The following CTC1 variants were observed in gnomAD, a reference collection of about 807,000 sequenced individuals.
The protein encoded by CTC1 is CST complex subunit CTC1.
A neutral mutation model predicts 136.3 loss-of-function variants in CTC1; 91 were observed. That is an observed-to-expected ratio of 0.67 (90% CI 0.56 to 0.79). The LOEUF (loss-of-function observed/expected upper bound fraction) is 0.79. CTC1 is among the 30% of genes least tolerant of loss of function. The pLI is 0.00. For synonymous variants in CTC1, 606 were observed against 613.8 expected (o/e 0.99, Z 0.19); for missense variants, 1,432 against 1,498.1 (o/e 0.96, Z 0.73).
At position 8,238,644 on chromosome 17, in the gene CTC1, G is replaced by C; in HGVS notation, c.198-15C>G. Reference sequence around the variant, plus strand: ...CTGAGACGAAGCTGTAGAGTGAAGGGAACAGAGGTCCTGCAAAGCCAGGTC... The same window carrying C: ...CTGAGACGAAGCTGTAGAGTGAAGGCAACAGAGGTCCTGCAAAGCCAGGTC... On this transcript the variant is annotated splice_polypyrimidine_tract_variant and intron_variant, in intron 2 of 22. Transcript: ENST00000651323. 3.9e-6 allele frequency: 6 copies of C among 1,550,370 alleles called. No individual in the cohort carries two copies. Among genetic ancestry groups the C allele is most frequent in the Non-Finnish European group, 5.2e-6 (6 of 1,145,610 alleles).
intron 17 of CTC1, 108 bp downstream of exon 17, chr17:8,230,186 A>G: frequency 8.4e-7 from 1 of 1,195,240 alleles, no homozygotes; most frequent in Non-Finnish European, 1.2e-6. Context: ...GATATATGGA[A>G]ACCTGTATGA....
At chr17:8,242,394 T>C (rs1428474071) in intron 2 of CTC1, among the ~76,000 whole-genome samples, 1 of 151,914 alleles carries the variant, frequency 6.6e-6, no homozygotes, top group Non-Finnish European at 1.5e-5. Context: ...TCATAGCCTC[T>C]AATATGTTAA....
At position 8,237,596 on chromosome 17, in the gene CTC1, C is replaced by T. The variant is rs1235148515; in HGVS notation, c.648-77G>A. 57 of 1,196,128 alleles carry T rather than the reference C, an allele frequency of 4.8e-5. No homozygotes were observed. The South Asian group carries it at 5.7e-4, about 12-fold the overall frequency. 74.1% of individuals were successfully genotyped at this position (1,196,128 alleles called of 1,614,324 possible). A position where few individuals can be genotyped will look rare whatever the true frequency, so the allele number is the denominator to read the frequency against. The stretch of plus-strand genomic sequence containing the variant: ...AGGAGAATCACTTGAACCTGAAAGG[C>T]AGAGGTTGCAGTAAGCTGAGATCCC... On this transcript the variant is annotated intron_variant, in intron 4 of 22. Transcript: ENST00000651323.
rs1345126351 is a variant in CTC1 at position 8,230,360 on chromosome 17, G to A, written c.2867C>T (p.Pro956Leu). The change falls in exon 17 of 23, where the codon CCT becomes CTT. Residue 956 changes from proline (P) to leucine (L), a missense_variant. Physicochemically the swap from Pro to Leu is moderately conservative, Grantham distance 98. Transcript: ENST00000651323. ...LDVYIEDPHLPPSLGLLPGAR... is the reference protein window; with the variant it reads ...LDVYIEDPHLLPSLGLLPGAR... ...TCCTGGAAGTAGTCCTAGTGAGGGA[G>A]GCAAGTGTGGGTCTTCTATATATAC... 3 of 1,614,032 alleles carry A rather than the reference G, an allele frequency of 1.9e-6. No homozygotes were observed. In the South Asian group the frequency reaches 3.3e-5, roughly 18 times the overall value.
Position 8,236,110 on chromosome 17 carries a change from T to C in CTC1, c.1025A>G (p.Asp342Gly), listed in dbSNP as rs78390421. The stretch of plus-strand genomic sequence containing the variant: ...GACAAGACTTTCTGGATCCTTCTTG[T>C]CCTCCGAGTTGCTGGGCATGGGGAG... ...KPLPMPSNSE[D>G]KKDPESLVRY... The change falls in exon 6 of 23, where the codon GAC becomes GGC. Residue 342 changes from aspartate to glycine, a missense_variant. Physicochemically the swap from Asp to Gly is moderately conservative, Grantham distance 94. Transcript: ENST00000651323. 4,113 of 1,614,216 alleles carry C rather than the reference T, an allele frequency of 2.5e-3. 104 individuals are homozygous for C. In the African/African-American group the frequency reaches 0.049, roughly 19 times the overall value.
rs1050640889 is a variant in CTC1, at chr17:8,226,368, C to A, written c.*1812G>T. 2 of 152,296 alleles carry A rather than the reference C, an allele frequency of 1.3e-5. No individual in the cohort carries two copies. Among genetic ancestry groups the A allele is most frequent in the South Asian group, 4.2e-4 (2 of 4,812 alleles). 9.4% of individuals were successfully genotyped at this position (152,296 alleles called of 1,614,324 possible). ...AAGAATATAGAGCTAGGAACCCGGA[C>A]CGAGCTTTTTCAGATCTTTCTAGAA... On this transcript the variant is annotated 3_prime_UTR_variant, in exon 23 of 23. Transcript: ENST00000651323.
Position 8,231,807 on chromosome 17 carries a change from G to A in CTC1, c.2394C>T (p.Leu798=). The A allele has an allele frequency of 6.2e-7, 1 of 1,614,224 alleles. No individual in the cohort carries two copies. Among genetic ancestry groups the A allele is most frequent in the South Asian group, 1.1e-5 (1 of 91,086 alleles). The change falls in exon 14 of 23, where the codon CTC becomes CTT. Residue 798 remains leucine (L), a synonymous_variant. Transcript: ENST00000651323. ...AGCGGACTGAAGAGCCAAAGAAAAT[G>A]AGGTGAACCTGGGAGGATGGAGAGC... The part of the protein sequence containing the change: ...GNDDNDQKVH[L]IFFGSSVRWF...
At chr17:8,229,484 T>A in intron 18 of CTC1, 38 bp from the exon 19 acceptor site, 1 of 1,589,920 alleles carries the variant, frequency 6.3e-7, no homozygotes, top group East Asian at 2.2e-5. Flanking sequence ...GGGGTCAAGA[T>A]AACAGAACAG....
chr17:8,239,390 A>G (rs1448425658), intron 2 of CTC1, among the ~76,000 whole-genome samples: 2 of 152,194 alleles, frequency 1.3e-5, no homozygotes, highest in Non-Finnish European at 2.9e-5. Flanking sequence ...AGAATAGCAC[A>G]GTACTAGAGA....
Position 8,238,011 on chromosome 17 carries a change from T to C in CTC1, c.647+20A>G, listed in dbSNP as rs763693351. The C allele has an allele frequency of 1.3e-6, 2 of 1,595,420 alleles. No homozygotes were observed. The highest frequency in any genetic ancestry group is 1.7e-6 in the Non-Finnish European group (2 of 1,164,512). ...CTTCAGTTTTACAGCGCCCCTGCCATGCCTAGAGGGGGAAATTACCTGAGC... is the reference window on the plus strand; with the variant it reads ...CTTCAGTTTTACAGCGCCCCTGCCACGCCTAGAGGGGGAAATTACCTGAGC... On this transcript the variant is annotated intron_variant, in intron 4 of 22. Transcript: ENST00000651323.
Position 8,234,789 on chromosome 17 carries a change from T to A in CTC1, c.1577A>T (p.Asn526Ile). The A allele has an allele frequency of 6.2e-7, 1 of 1,609,340 alleles. No individual in the cohort carries two copies. The highest frequency in any genetic ancestry group is 8.5e-7 in the Non-Finnish European group (1 of 1,177,522). ...GTGATGTGGCTCTTCAAGGATCTCA[T>A]TGTGTGCATTCCGAACAGGGCTGCC... ...PPGSPVRNAHNEILEEPHHCP... is the reference protein window; with the variant it reads ...PPGSPVRNAHIEILEEPHHCP... The change falls in exon 9 of 23, where the codon AAT (asparagine) becomes ATT (isoleucine). Residue 526 changes from asparagine (N) to isoleucine (I), a missense_variant. Coordinates refer to ENST00000651323, the MANE Select transcript of CTC1 (RefSeq NM_025099.6).
At position 8,228,198 on chromosome 17, in the gene CTC1, G is replaced by C; in HGVS notation, c.3636C>G (p.Ile1212Met). Residue 1212 changes from isoleucine (I) to methionine (M), a missense_variant, in exon 23 of 23, where the codon ATC becomes ATG. Ile to Met is a conservative substitution (Grantham distance 10, BLOSUM62 1). Transcript: ENST00000651323. Reference protein sequence around the residue: ...RESEYSSSLGILASSC With the variant: ...RESEYSSSLGMLASSC ...AGTTCAGTTAACAGGAGGAAGCAAG[G>C]ATCCCCAGAGAGCTGGAGTACTCTG... The C allele has an allele frequency of 6.2e-7, 1 of 1,614,040 alleles. No homozygotes were observed. Among genetic ancestry groups the C allele is most frequent in the South Asian group, 1.1e-5 (1 of 91,074 alleles).
intron 2 of CTC1, among the ~76,000 whole-genome samples, chr17:8,240,216 G>A (rs1057245955): frequency 1.3e-5 from 2 of 149,796 alleles, no homozygotes; most frequent in African/African-American, 2.5e-5. Context: ...GTGCATTGGC[G>A]TGAACTCGGC....
chr17:8,228,486 C>A lies in CTC1; in HGVS notation c.3514+17G>T. ...ATGATCCCCCTATCATCATGATCCC[C>A]CCGTCTCCAACCTTACCTAATGGGA... is the stretch of plus-strand genomic sequence containing the variant. On this transcript the variant is annotated intron_variant, in intron 22 of 22. Coordinates refer to ENST00000651323, the MANE Select transcript of CTC1 (RefSeq NM_025099.6). The A allele has an allele frequency of 6.2e-7, 1 of 1,614,120 alleles. No homozygotes were observed. The highest frequency in any genetic ancestry group is 8.5e-7 in the Non-Finnish European group (1 of 1,180,006).
At position 8,234,814 on chromosome 17, in the gene CTC1, C is replaced by A; in HGVS notation, c.1552G>T (p.Gly518Cys). 1 of 1,613,156 alleles carries A rather than the reference C, an allele frequency of 6.2e-7. No individual in the cohort carries two copies. Among genetic ancestry groups the A allele is most frequent in the Non-Finnish European group, 8.5e-7 (1 of 1,179,538 alleles). The stretch of plus-strand genomic sequence containing the variant: ...TTGTGTGCATTCCGAACAGGGCTGC[C>A]TGGCGGAGCTAGAAGATCCAGGGTA... ...APTLDLLAPPGSPVRNAHNEI... is the reference protein window; with the variant it reads ...APTLDLLAPPCSPVRNAHNEI... Residue 518 changes from glycine (G) to cysteine (C), a missense_variant, in exon 9 of 23, where the codon GGC (glycine) becomes TGC (cysteine). By Grantham distance (159) the Gly-to-Cys change is radical. Coordinates refer to ENST00000651323, the MANE Select transcript of CTC1 (RefSeq NM_025099.6).
chr17:8,235,230 A>G lies in CTC1; in HGVS notation c.1262T>C (p.Leu421Pro), dbSNP rs1987611088. 6 of 1,613,986 alleles carry G rather than the reference A, an allele frequency of 3.7e-6. No individual in the cohort carries two copies. The highest frequency in any genetic ancestry group is 5.1e-6 in the Non-Finnish European group (6 of 1,180,028). Residue 421 changes from leucine (L) to proline (P), a missense_variant, in exon 8 of 23, where the codon CTC (leucine) becomes CCC (proline). Leu to Pro is a moderately conservative substitution (Grantham distance 98). Transcript: ENST00000651323. ...AACGGCGCCACGGAGGCAGGGGGCGAGCACTGGCCTTCTTGTCCCCCCTCC... is the reference window on the plus strand; with the variant it reads ...AACGGCGCCACGGAGGCAGGGGGCGGGCACTGGCCTTCTTGTCCCCCCTCC... ...SVGGGTRRPV[L>P]APCLRGAVLL...
chr17:8,230,133 G>A lies in CTC1; in HGVS notation c.2933+161C>T. On this transcript the variant is annotated intron_variant, in intron 17 of 22. Coordinates refer to ENST00000651323, the MANE Select transcript of CTC1 (RefSeq NM_025099.6). Reference sequence around the variant, plus strand: ...GGAAGACTAGGAGGAGGACCAGCCTGCAACACCTCGTGAGGGTACTGGCTG... The same window carrying A: ...GGAAGACTAGGAGGAGGACCAGCCTACAACACCTCGTGAGGGTACTGGCTG... 4.2e-6 allele frequency: 4 copies of A among 954,644 alleles called. No individual in the cohort carries two copies. In the South Asian group the frequency reaches 6.3e-5, roughly 15 times the overall value. 59.1% of individuals were successfully genotyped at this position (954,644 alleles called of 1,614,324 possible).
chr17:8,243,206 G>C, intron 1 of CTC1, 58 bp from the exon 2 acceptor site: 1 of 1,536,800 alleles, frequency 6.5e-7, no homozygotes. Flanking sequence ...AAGGAAACTT[G>C]GGAAGAATAA....
intron 22 of CTC1, 26 bp from the exon 23 acceptor site, chr17:8,228,345 C>T: frequency 6.2e-7 from 1 of 1,612,332 alleles, no homozygotes; most frequent in Non-Finnish European, 8.5e-7. Context: ...AGGAAAAACA[C>T]ACGTCTCAGG....
Sources: allele counts gnomAD v4.1 joint callset (sites outside exome capture counted in the v4.1 genomes callset), GRCh38; gene constraint gnomAD v4.1.1; transcripts MANE v1.5; gene names NCBI Gene and HGNC (gene_info 2026-07-23, HGNC 2026-07-21).